CNTN4: variants seen among roughly 807,000 people sequenced by gnomAD.
CNTN4 encodes the protein contactin-4.
A neutral mutation model predicts 122.5 loss-of-function variants in CNTN4; 77 were observed. The ratio of observed to expected loss-of-function variants is 0.63; its 90% CI spans 0.52 to 0.76. The LOEUF (loss-of-function observed/expected upper bound fraction) is 0.76, where lower values mean the gene tolerates loss of function less well. Ranked by LOEUF, CNTN4 falls within the 30% of genes least tolerant of loss-of-function variation. The probability of loss-of-function intolerance (pLI) is 0.00; values close to 1 mark genes in which losing one functional copy is unlikely to be tolerated. For missense variants in CNTN4, 1,256 were observed against 1,259.1 expected (o/e 1.00, Z 0.04); for synonymous variants, 512 against 447.0 (o/e 1.15, Z -1.83).
At chr3:2,397,542 A>G (rs191052742) in intron 3 of CNTN4, among the ~76,000 whole-genome samples, 2 of 152,146 alleles carry the variant, frequency 1.3e-5, no homozygotes, top group South Asian at 2.1e-4. Context: ...CTCCTCACAT[A>G]TACATACATC....
intron 2 of CNTN4, among the ~76,000 whole-genome samples, chr3:2,254,717 G>GTTCATATCAA: frequency 6.6e-6 from 1 of 152,084 alleles, no homozygotes; most frequent in East Asian, 1.9e-4. Context: ...CATATCATTT[G>GTTCATATCAA]CCCACTTTTT....
In CNTN4 at chr3:2,499,790, G is replaced by C. The variant is rs573666923; in HGVS notation, c.-88-71626G>C. 2.6e-5 allele frequency among the ~76,000 whole-genome samples: 4 copies of C among 152,132 alleles called. No homozygotes were observed. In the South Asian group the frequency reaches 8.3e-4, roughly 32 times the overall value. The stretch of plus-strand genomic sequence containing the variant: ...TAAAACCTTACAGGGAGTTTGATAA[G>C]AATTTTATTAAGCCCATATATTTCT... On this transcript the variant is annotated intron_variant, in intron 3 of 24. Coordinates refer to ENST00000418658, the MANE Select transcript of CNTN4 (RefSeq NM_175607.3).
chr3:2,114,282 A>G, intron 2 of CNTN4, among the ~76,000 whole-genome samples: 1 of 151,700 alleles, frequency 6.6e-6, no homozygotes, highest in East Asian at 1.9e-4. Flanking sequence ...GCAAAACCCC[A>G]TCTCAAAAAA....
Position 3,040,032 on chromosome 3 carries a change from C to T in CNTN4, c.2164-5C>T. ...TTTCTGAAGACCACCTTCCTTCTTT[C>T]CCAGACGGTCCCTGAGGAATTACAG... On this transcript the variant is annotated splice_polypyrimidine_tract_variant and splice_region_variant and intron_variant, in intron 19 of 24. Transcript: ENST00000418658. The T allele has an allele frequency of 6.3e-7, 1 of 1,598,840 alleles. No individual in the cohort carries two copies. The highest frequency in any genetic ancestry group is 8.6e-7 in the Non-Finnish European group (1 of 1,165,898).
rs148530950 is a variant in CNTN4 at position 2,355,440 on chromosome 3, T to C, written c.-89+16207T>C. Among the ~76,000 whole-genome samples, 5 of 152,282 alleles carry C rather than the reference T, an allele frequency of 3.3e-5. No homozygotes were observed. The East Asian group carries it at 7.7e-4, about 24-fold the overall frequency. Reference sequence around the variant, plus strand: ...CCTCTTAATTTAGTCCAAACAAGAATTTAGTTTACCTGAAGGATACAGGGA... The same window carrying C: ...CCTCTTAATTTAGTCCAAACAAGAACTTAGTTTACCTGAAGGATACAGGGA... On this transcript the variant is annotated intron_variant, in intron 3 of 24. Transcript: ENST00000418658.
chr3:2,580,249 TTA>T (rs1463011262), intron 4 of CNTN4, among the ~76,000 whole-genome samples: 1 of 152,046 alleles, frequency 6.6e-6, no homozygotes, highest in East Asian at 1.9e-4. Flanking sequence ...GCCAGAACAT[TTA>T]GGGTCTGTCT....
intron 3 of CNTN4, among the ~76,000 whole-genome samples, chr3:2,374,636 A>G (rs1388796975): frequency 6.6e-6 from 1 of 152,200 alleles, no homozygotes; most frequent in Non-Finnish European, 1.5e-5. Flanking sequence ...GCTTGTTTGA[A>G]AAAAAGAAGA....
chr3:3,022,463 C>A (rs758618056), intron 14 of CNTN4, among the ~76,000 whole-genome samples: 2 of 152,074 alleles, frequency 1.3e-5, no homozygotes, highest in African/African-American at 2.4e-5. Flanking sequence ...CCAATGGACC[C>A]CAAAACACTT....
intron 2 of CNTN4, among the ~76,000 whole-genome samples, chr3:2,257,877 A>G (rs1467449689): frequency 6.6e-6 from 1 of 152,124 alleles, no homozygotes; most frequent in African/African-American, 2.4e-5. Context: ...CCTGGGGCCT[A>G]CATGGTCAAA....
At chr3:2,169,117 A>C (rs1327527197) in intron 2 of CNTN4, among the ~76,000 whole-genome samples, 1 of 152,172 alleles carries the variant, frequency 6.6e-6, no homozygotes, top group Non-Finnish European at 1.5e-5. Flanking sequence ...AATTTTAGAA[A>C]GGCTGTACGA....
At chr3:2,185,742 T>C (rs1252140841) in intron 2 of CNTN4, among the ~76,000 whole-genome samples, 1 of 152,138 alleles carries the variant, frequency 6.6e-6, no homozygotes, top group Non-Finnish European at 1.5e-5. Context: ...AAGTATTTCT[T>C]GGTTATTACA....
At chr3:2,182,099 A>G (rs2037042286) in intron 2 of CNTN4, among the ~76,000 whole-genome samples, 3 of 152,290 alleles carry the variant, frequency 2.0e-5, no homozygotes, top group Admixed American at 2.0e-4. Context: ...CACCATGTTA[A>G]CACGTACATT....
chr3:2,881,490 G>A (rs1486385490), intron 8 of CNTN4, among the ~76,000 whole-genome samples: 2 of 150,810 alleles, frequency 1.3e-5, no homozygotes, highest in East Asian at 1.9e-4. Flanking sequence ...TCCAGCCTGG[G>A]CGACAGAGCA....
chr3:2,670,434 TC>T (rs2084436911), intron 4 of CNTN4, among the ~76,000 whole-genome samples: 2 of 152,314 alleles, frequency 1.3e-5, no homozygotes, highest in South Asian at 4.1e-4. Flanking sequence ...TTTTTTGTTT[TC>T]CATTTGCTTG....
intron 2 of CNTN4, among the ~76,000 whole-genome samples, chr3:2,267,176 A>G (rs2041088058): frequency 1.3e-5 from 2 of 152,016 alleles, no homozygotes; most frequent in African/African-American, 4.8e-5. Context: ...GGTGTGTAGA[A>G]ATTTAGTGTC....
chr3:2,660,095 T>C (rs2083805584), intron 4 of CNTN4, among the ~76,000 whole-genome samples: 2 of 152,202 alleles, frequency 1.3e-5, no homozygotes, highest in East Asian at 3.8e-4. Context: ...CCCAAGCTAC[T>C]CTGACTGTGA....
At chr3:2,219,141 C>G (rs1559352280) in intron 2 of CNTN4, among the ~76,000 whole-genome samples, 2 of 152,214 alleles carry the variant, frequency 1.3e-5, no homozygotes, top group Non-Finnish European at 2.9e-5. Flanking sequence ...TGGCTCAATG[C>G]TGATCCTTTT....
At position 2,380,454 on chromosome 3, in the gene CNTN4, C is replaced by T. The variant is rs2045975616; in HGVS notation, c.-89+41221C>T. Among the ~76,000 whole-genome samples the T allele has an allele frequency of 1.3e-5, 2 of 152,164 alleles. 1 individual carries two copies. The highest frequency in any genetic ancestry group is 4.8e-5 in the African/African-American group (2 of 41,444). ...ATGTGTCTATTTTACCTTTATATAG[C>T]TATGCAGAACAGGTGAGATTTGGTA... On this transcript the variant is annotated intron_variant, in intron 3 of 24. Transcript: ENST00000418658.
At chr3:2,458,228 G>A (rs577630978) in intron 3 of CNTN4, among the ~76,000 whole-genome samples, 1 of 152,216 alleles carries the variant, frequency 6.6e-6, no homozygotes, top group East Asian at 1.9e-4. Flanking sequence ...GTGCTACAAT[G>A]AATTAAACCA....
Sources: gnomAD v4.1 joint callset for allele counts (sites outside exome capture counted in the v4.1 genomes callset) on GRCh38, gnomAD v4.1.1 for gene constraint, MANE v1.5 for transcripts, NCBI Gene and HGNC (gene_info 2026-07-23, HGNC 2026-07-21) for gene names.